Variants in PDXDC1 observed in about 807,000 individuals in gnomAD.
The protein encoded by PDXDC1 is pyridoxal-dependent decarboxylase domain-containing protein 1.
PDXDC1 carries 42 observed loss-of-function variants against 100.1 expected under a neutral mutation model. That is an observed-to-expected ratio of 0.42 (90% CI 0.33 to 0.54). PDXDC1 has a LOEUF of 0.54. PDXDC1 is among the 20% of genes least tolerant of loss of function. The pLI, the probability that PDXDC1 is intolerant of heterozygous loss-of-function variation, is 0.10. For missense variants in PDXDC1, 636 were observed against 979.2 expected (o/e 0.65, Z 4.68); for synonymous variants, 260 against 371.7 (o/e 0.70, Z 3.46).
intron 16 of PDXDC1, among the ~76,000 whole-genome samples, chr16:15,117,487 T>C (rs1348768197): frequency 6.6e-6 from 1 of 150,448 alleles, no homozygotes; most frequent in Non-Finnish European, 1.5e-5. Context: ...TGAAACCCAG[T>C]CTCTACTAAA....
At chr16:15,141,138 C>A (rs956961136), downstream of PDXDC1, among the ~76,000 whole-genome samples, 23 of 140,020 alleles carry the variant, frequency 1.6e-4, no homozygotes, top group Admixed American at 2.8e-4. Context: ...CGGCCTCCAG[C>A]CCTGAGCACC....
chr16:15,130,364 G>A (rs1284195201), intron 16 of PDXDC1: 1 of 1,566,154 alleles, frequency 6.4e-7, no homozygotes, highest in Non-Finnish European at 8.6e-7. Flanking sequence ...ACTGGCACAG[G>A]GACGTGTACA....
chr16:15,056,331 A>G (rs1042951485), intron 16 of PDXDC1, among the ~76,000 whole-genome samples: 4 of 152,176 alleles, frequency 2.6e-5, no homozygotes, highest in Non-Finnish European at 5.9e-5. Context: ...ACCAGCCAAG[A>G]GAGCCTCCGG....
downstream of PDXDC1, chr16:15,040,259 T>C (rs984816477): frequency 6.8e-6 from 3 of 438,454 alleles, no homozygotes; most frequent in Non-Finnish European, 8.1e-6. Flanking sequence ...TGAAAATCGC[T>C]GAGGCTCGAG....
intron 17 of PDXDC1, 185 bp downstream of exon 17, chr16:15,032,091 G>A (rs1188971555): frequency 1.0e-5 from 6 of 599,726 alleles, no homozygotes; most frequent in Non-Finnish European, 1.5e-5. Context: ...TGGCCAGCGT[G>A]GCGCTCAGGG....
intron 16 of PDXDC1, chr16:15,133,828 C>G: frequency 6.3e-7 from 1 of 1,582,104 alleles, no homozygotes; most frequent in Non-Finnish European, 8.6e-7. Context: ...GTGGTGAGGG[C>G]GTGCACAGCG....
intron 16 of PDXDC1, chr16:15,093,925 G>A: frequency 1.8e-6 from 1 of 548,388 alleles, no homozygotes; most frequent in South Asian, 2.4e-5. Context: ...CGGGAAAGGG[G>A]GCCTCCAGAA....
chr16:15,033,522 T>C (rs528341336), intron 19 of PDXDC1, 123 bp downstream of exon 19: 2 of 1,158,438 alleles, frequency 1.7e-6, no homozygotes, highest in East Asian at 2.4e-5. Context: ...CTGTCAATGT[T>C]TCCTGTAAGC....
chr16:15,078,812 CT>C (rs5816111), intron 16 of PDXDC1, among the ~76,000 whole-genome samples: 62,558 of 116,968 alleles, frequency 0.53, 15,366 homozygotes, highest in Non-Finnish European at 0.63. Flanking sequence ...GTATTTTTTT[CT>C]TTTTTTTTTT....
At chr16:15,060,060 A>G in intron 16 of PDXDC1, 1 of 263,100 alleles carries the variant, frequency 3.8e-6, no homozygotes, top group Non-Finnish European at 7.6e-6. Flanking sequence ...TATTGGTATA[A>G]GAACGTAAGT....
intron 16 of PDXDC1, among the ~76,000 whole-genome samples, chr16:15,090,873 GTTTTT>G (rs4012873): frequency 1.6e-5 from 2 of 128,194 alleles, no homozygotes; most frequent in African/African-American, 2.9e-5. Flanking sequence ...TCAGTGGTTT[GTTTTT>G]TTTTTTTTTT....
In PDXDC1 at chr16:15,038,117, G is replaced by C; in HGVS notation, c.*1842G>C. The stretch of plus-strand genomic sequence containing the variant: ...GCTTTATTTCCAGAAAACAGTGTGT[G>C]AGCTGGAGATGGGTGTTTTTTTAAA... On this transcript the variant is annotated 3_prime_UTR_variant, in exon 23 of 23. Transcript: ENST00000396410. 6.2e-7 allele frequency: 1 copy of C among 1,611,472 alleles called. No homozygotes were observed. Among genetic ancestry groups the C allele is most frequent in the African/African-American group, 1.3e-5 (1 of 74,894 alleles).
Position 15,068,164 on chromosome 16 carries a change from C to T in PDXDC1, c.1399+38108C>T, listed in dbSNP as rs751293013. The T allele has an allele frequency of 2.4e-5, 37 of 1,547,844 alleles. No individual in the cohort carries two copies. In the South Asian group the frequency reaches 3.8e-4, roughly 16 times the overall value. On this transcript the variant is annotated intron_variant, in intron 16 of 16. Transcript: ENST00000535621. Reference sequence around the variant, plus strand: ...ACTCCCATCAAGAAAGCGTAAATAACTTACTTTGTGATTGCAGCAAAAAAG... The same window carrying T: ...ACTCCCATCAAGAAAGCGTAAATAATTTACTTTGTGATTGCAGCAAAAAAG...
intron 22 of PDXDC1, 60 bp downstream of exon 22, chr16:15,035,613 C>A: frequency 2.1e-6 from 2 of 968,056 alleles, no homozygotes; most frequent in Non-Finnish European, 3.1e-6. Flanking sequence ...CTGTTACTTG[C>A]GTTTGTTTTC....
At chr16:15,077,690 A>G (rs1428634036) in intron 16 of PDXDC1, among the ~76,000 whole-genome samples, 3 of 152,122 alleles carry the variant, frequency 2.0e-5, no homozygotes, top group African/African-American at 4.8e-5. Context: ...AAATACAAAA[A>G]ATTAGCCGGG....
chr16:15,073,563 A>C (rs1321156057), intron 16 of PDXDC1, among the ~76,000 whole-genome samples: 1 of 152,210 alleles, frequency 6.6e-6, no homozygotes, highest in Non-Finnish European at 1.5e-5. Flanking sequence ...TAACACCTGC[A>C]AGGAAGCAGG....
chr16:15,125,706 T>C (rs1426326667), intron 16 of PDXDC1: 17 of 1,357,106 alleles, frequency 1.3e-5, no homozygotes, highest in Non-Finnish European at 1.7e-5. Context: ...CGTGGAGGCC[T>C]GAGAACGTGA....
At chr16:15,087,129 T>C (rs189194923) in intron 16 of PDXDC1, among the ~76,000 whole-genome samples, 3 of 152,200 alleles carry the variant, frequency 2.0e-5, no homozygotes. Context: ...TTCATGCATA[T>C]ATACTGCACA....
intron 16 of PDXDC1, chr16:15,104,697 G>A (rs866641321): frequency 6.3e-7 from 1 of 1,597,570 alleles, no homozygotes; most frequent in Non-Finnish European, 8.5e-7. Context: ...AGTTTCAGCT[G>A]TGAGGTAGGG....
Sources: gnomAD v4.1 joint callset for allele counts (sites outside exome capture counted in the v4.1 genomes callset) on GRCh38, gnomAD v4.1.1 for gene constraint, MANE v1.5 for transcripts, NCBI Gene and HGNC (gene_info 2026-07-23, HGNC 2026-07-21) for gene names.